The following IQGAP2 variants were observed in gnomAD, a reference collection of about 807,000 sequenced individuals.
The protein encoded by IQGAP2 is IQ motif containing GTPase activating protein 2.
In IQGAP2, 173 loss-of-function variants were observed where a neutral mutation model predicts 201.3. That is an observed-to-expected ratio of 0.86 (90% CI 0.76 to 0.98). The LOEUF (loss-of-function observed/expected upper bound fraction) is 0.98, where lower values mean the gene tolerates loss of function less well. Among genes scored for constraint, IQGAP2 ranks in the 50% least tolerant of loss-of-function variants. The pLI is 0.00. For synonymous variants in IQGAP2, 675 were observed against 673.9 expected, an observed-to-expected ratio of 1.00 and a Z score of -0.03; for missense variants, 1,687 against 1,864.8, an observed-to-expected ratio of 0.90 and a Z score of 1.76.
intron 13 of IQGAP2, among the ~76,000 whole-genome samples, chr5:76,622,155 T>A (rs1749755747): frequency 6.6e-6 from 1 of 152,124 alleles, no homozygotes; most frequent in African/African-American, 2.4e-5. Context: ...ACTGCCTCTT[T>A]GTTTCCTTCA....
At position 76,556,935 on chromosome 5, in the gene IQGAP2, T is replaced by C. The variant is rs561715995; in HGVS notation, c.147-5461T>C. ...GCACTACAAGGGGAAACCTGGACCA[T>C]TTACCCTGCCTGTTGCAAGGTAGGT... On this transcript the variant is annotated intron_variant, in intron 2 of 35. Transcript: ENST00000274364. 2.0e-5 allele frequency among the ~76,000 whole-genome samples: 3 copies of C among 152,252 alleles called. No homozygotes were observed. In the South Asian group the frequency reaches 6.2e-4, roughly 32 times the overall value.
Position 76,403,421 on chromosome 5 carries a change from G to C in IQGAP2, c.-125G>C. ...GAGGGAGTGGGTCGCAGATCTTCGG[G>C]CGGCTAGGGGAAATCGGCGAGAGGC... On this transcript the variant is annotated 5_prime_UTR_variant, in exon 1 of 36. Coordinates refer to ENST00000274364, the MANE Select transcript of IQGAP2 (RefSeq NM_006633.5). This position sits in a 1 kb window ranked among gnomAD's most constrained non-coding sequence, Gnocchi z 4.8. 1.5e-6 allele frequency: 1 copy of C among 649,168 alleles called. No individual in the cohort carries two copies. Among genetic ancestry groups the C allele is most frequent in the Non-Finnish European group, 2.3e-6 (1 of 444,150 alleles). The allele number at this position is 649,168 out of a possible 1,614,324, so 40.2% of individuals were successfully genotyped here.
chr5:76,556,600 C>T (rs1035286208), intron 2 of IQGAP2, among the ~76,000 whole-genome samples: 6 of 152,136 alleles, frequency 3.9e-5, no homozygotes, highest in African/African-American at 1.4e-4. Flanking sequence ...CTAGTCAGCC[C>T]GCATGATGAC....
Position 76,508,779 on chromosome 5 carries a change from G to T in IQGAP2, c.146+47110G>T, listed in dbSNP as rs181253710. On this transcript the variant is annotated intron_variant, in intron 2 of 35. Transcript: ENST00000274364. ...ACGAAATGGACAAAGAACAGGAGTA[G>T]CCAATTCACAAAAAAGTAAAACTAA... 5.3e-5 allele frequency among the ~76,000 whole-genome samples: 8 copies of T among 151,902 alleles called. No homozygotes were observed. The East Asian group carries it at 1.5e-3, about 29-fold the overall frequency.
chr5:76,513,956 A>G (rs1758143695), intron 2 of IQGAP2, among the ~76,000 whole-genome samples: 1 of 148,852 alleles, frequency 6.7e-6, no homozygotes, highest in Non-Finnish European at 1.5e-5. Context: ...GAAATCCTGT[A>G]CTTTTCTTTT....
At chr5:76,408,151 ACT>A (rs1750899179) in intron 1 of IQGAP2, among the ~76,000 whole-genome samples, 1 of 148,476 alleles carries the variant, frequency 6.7e-6, no homozygotes, top group Non-Finnish European at 1.5e-5. Flanking sequence ...AAAGAGCGAG[ACT>A]CTGTCTCAAA....
intron 17 of IQGAP2, among the ~76,000 whole-genome samples, chr5:76,645,926 G>T (rs1340056668): frequency 6.6e-6 from 1 of 152,034 alleles, no homozygotes; most frequent in Non-Finnish European, 1.5e-5. Context: ...CACTTATTCA[G>T]AATGTTTGCG....
intron 2 of IQGAP2, among the ~76,000 whole-genome samples, chr5:76,557,533 C>T (rs1744033030): frequency 6.6e-6 from 1 of 152,158 alleles, no homozygotes; most frequent in South Asian, 2.1e-4. Flanking sequence ...AAAAAAGTAA[C>T]ATTTTGTAAA....
At chr5:76,531,727 G>C (rs1337011207) in intron 2 of IQGAP2, among the ~76,000 whole-genome samples, 2 of 152,268 alleles carry the variant, frequency 1.3e-5, no homozygotes, top group East Asian at 3.9e-4. Flanking sequence ...AAATAATATG[G>C]ATAAATTGAA....
At chr5:76,566,578 A>G (rs1231751685) in intron 3 of IQGAP2, among the ~76,000 whole-genome samples, 1 of 152,184 alleles carries the variant, frequency 6.6e-6, no homozygotes, top group Admixed American at 6.5e-5. Context: ...GACAGCAATC[A>G]GAAGCCTTGT....
At chr5:76,635,780 G>T (rs1024459954) in intron 15 of IQGAP2, among the ~76,000 whole-genome samples, 31 of 100,258 alleles carry the variant, frequency 3.1e-4, no homozygotes, top group South Asian at 1.1e-3. Context: ...AGTGAGCCTT[G>T]GTCACACCAC....
intron 8 of IQGAP2, among the ~76,000 whole-genome samples, chr5:76,591,615 C>G (rs1746660141): frequency 6.6e-6 from 1 of 152,180 alleles, no homozygotes; most frequent in Non-Finnish European, 1.5e-5. Flanking sequence ...AGATTCTCTG[C>G]TTCACTAGCT....
At chr5:76,439,294 G>C (rs535926397) in intron 1 of IQGAP2, among the ~76,000 whole-genome samples, 1 of 152,332 alleles carries the variant, frequency 6.6e-6, no homozygotes, top group East Asian at 1.9e-4. Context: ...TGTTTCATGT[G>C]TTGAGAAGAA....
chr5:76,607,039 T>TGG (rs1401462252), intron 12 of IQGAP2: 1 of 152,194 alleles, frequency 6.6e-6, no homozygotes, highest in Non-Finnish European at 1.5e-5. Context: ...CAACAGTGGG[T>TGG]GAGTGTTGCT....
intron 1 of IQGAP2, among the ~76,000 whole-genome samples, chr5:76,412,167 CA>C (rs1751162909): frequency 2.0e-5 from 3 of 152,166 alleles, no homozygotes; most frequent in African/African-American, 7.2e-5. Context: ...GGGAAACTAC[CA>C]ATCTGTTTAA....
chr5:76,532,855 A>G (rs533790796), intron 2 of IQGAP2, among the ~76,000 whole-genome samples: 21 of 152,302 alleles, frequency 1.4e-4, no homozygotes, highest in African/African-American at 5.1e-4. Flanking sequence ...CTTCACTCCC[A>G]TGCCACCAGG....
intron 2 of IQGAP2, among the ~76,000 whole-genome samples, chr5:76,516,244 T>C (rs1277379416): frequency 6.6e-6 from 1 of 152,178 alleles, no homozygotes; most frequent in East Asian, 1.9e-4. Context: ...AGATTTTAGT[T>C]GACTATAAAC....
intron 3 of IQGAP2, among the ~76,000 whole-genome samples, chr5:76,569,957 G>C (rs1364127087): frequency 2.0e-5 from 3 of 152,162 alleles, no homozygotes; most frequent in Admixed American, 2.0e-4. Context: ...TTTTATTGTA[G>C]GGGTAGAAAA....
chr5:76,432,128 CTTTTT>C (rs70982606), intron 1 of IQGAP2, among the ~76,000 whole-genome samples: 1 of 95,298 alleles, frequency 1.0e-5, no homozygotes. Flanking sequence ...TTTCTTTCTT[CTTTTT>C]TTTTTTTTTT....
Sources: allele counts gnomAD v4.1 joint callset (sites outside exome capture counted in the v4.1 genomes callset), GRCh38; gene constraint gnomAD v4.1.1; non-coding constraint Gnocchi (gnomAD v3.1); transcripts MANE v1.5; gene names NCBI Gene and HGNC (gene_info 2026-07-23, HGNC 2026-07-21).